TENM2: variants seen among roughly 807,000 people sequenced by gnomAD.
TENM2 encodes teneurin-2.
A neutral mutation model predicts 245.2 loss-of-function variants in TENM2; 52 were observed. The observed-to-expected ratio is 0.21, with a 90% confidence interval of 0.17 to 0.27. TENM2 has a LOEUF of 0.27. TENM2 is among the 10% of genes least tolerant of loss of function. The pLI, the probability that TENM2 is intolerant of heterozygous loss-of-function variation, is 1.00. For missense variants in TENM2, 3,046 were observed against 3,666.8 expected (o/e 0.83, Z 4.37); for synonymous variants, 1,363 against 1,438.9 (o/e 0.95, Z 1.19).
chr5:168,258,069 T>C (rs1172524681), intron 27 of TENM2, among the ~76,000 whole-genome samples: 1 of 152,072 alleles, frequency 6.6e-6, no homozygotes, highest in Non-Finnish European at 1.5e-5. Context: ...CAGGACCTAT[T>C]GTGAAAGTAA....
At chr5:167,974,766 G>A (rs575542926) in intron 4 of TENM2, among the ~76,000 whole-genome samples, 70 of 152,118 alleles carry the variant, frequency 4.6e-4, no homozygotes, top group Non-Finnish European at 6.8e-4. Context: ...ATTAACCATC[G>A]CCCCATCCAG....
intron 2 of TENM2, among the ~76,000 whole-genome samples, chr5:167,586,091 G>A (rs1047668307): frequency 1.3e-5 from 2 of 151,972 alleles, no homozygotes; most frequent in Non-Finnish European, 2.9e-5. Context: ...CTCCAGCCTG[G>A]GTGACAGAGC....
At chr5:167,397,984 A>C (rs553093859) in intron 2 of TENM2, among the ~76,000 whole-genome samples, 1 of 152,236 alleles carries the variant, frequency 6.6e-6, no homozygotes, top group South Asian at 2.1e-4. Flanking sequence ...TGAGAACTAT[A>C]TATACTCCAT....
At chr5:167,212,566 G>T in the TENM2 span, among the ~76,000 whole-genome samples, 1 of 152,322 alleles carries the variant, frequency 6.6e-6, no homozygotes, top group South Asian at 2.1e-4. Context: ...GTGCAAAGTG[G>T]TAGCTGGCCT....
At chr5:167,915,547 A>T (rs929666534) in intron 3 of TENM2, among the ~76,000 whole-genome samples, 6 of 152,190 alleles carry the variant, frequency 3.9e-5, no homozygotes, top group Non-Finnish European at 7.3e-5. Flanking sequence ...TATTTGAAGC[A>T]TGTGGGTGGG....
At chr5:167,569,078 C>CTTTTTTTTTTTTTTTTT (rs34311803) in intron 2 of TENM2, among the ~76,000 whole-genome samples, 1 of 48,952 alleles carries the variant, frequency 2.0e-5, no homozygotes, top group African/African-American at 9.3e-5. Context: ...CTTCCTACAG[C>CTTTTTTTTTTTTTTTTT]TTTTTTTTTT....
At chr5:167,937,656 G>A (rs923512802) in intron 3 of TENM2, 6 of 151,748 alleles carry the variant, frequency 4.0e-5, no homozygotes, top group Non-Finnish European at 8.8e-5. Context: ...GTTGGTTAAC[G>A]AAAAAGAAAA....
chr5:167,600,899 GTC>G (rs1367768160), intron 2 of TENM2, among the ~76,000 whole-genome samples: 2 of 152,174 alleles, frequency 1.3e-5, no homozygotes, highest in Non-Finnish European at 2.9e-5. Flanking sequence ...ACGGCATTTT[GTC>G]TCTTTTTCAT....
In TENM2 at chr5:167,458,494, CAAA is replaced by C. The variant is rs70976430; in HGVS notation, c.502+83041_502+83043del. Among the ~76,000 whole-genome samples, 646 of 82,022 alleles carry C rather than the reference CAAA, an allele frequency of 7.9e-3. 2 individuals are homozygous for C. The highest frequency in any genetic ancestry group is 0.034 in the South Asian group (70 of 2,066). 53.8% of individuals were successfully genotyped at this position (82,022 alleles called of 152,430 possible). A position where few individuals can be genotyped will look rare whatever the true frequency, so the allele number is the denominator to read the frequency against. On this transcript the variant is annotated intron_variant, in intron 2 of 28. Coordinates refer to ENST00000518659, the Ensembl canonical transcript of TENM2. Reference sequence around the variant, plus strand: ...AAAGCAAGACTCCGTCTCAAAAAAACAAAAAAAAAAAAAAAAAAAAAAGACATT... The same window carrying C: ...AAAGCAAGACTCCGTCTCAAAAAAACAAAAAAAAAAAAAAAAAAAGACATT...
In TENM2 at chr5:168,258,457, C is replaced by T. The variant is rs188850259; in HGVS notation, c.7433-1826C>T. Among the ~76,000 whole-genome samples, 1,408 of 152,058 alleles carry T rather than the reference C, an allele frequency of 9.3e-3. 23 individuals carry two copies. The highest frequency in any genetic ancestry group is 0.032 in the African/African-American group (1,343 of 41,476). On this transcript the variant is annotated intron_variant, in intron 27 of 28. Coordinates refer to ENST00000518659, the Ensembl canonical transcript of TENM2. ...CGGAGGTTGCAGTGAGCCGAAATCG[C>T]GCCACTGCACTCCAGCCTGGGTGAC...
At chr5:167,732,060 T>C (rs1760478991) in intron 2 of TENM2, among the ~76,000 whole-genome samples, 2 of 152,208 alleles carry the variant, frequency 1.3e-5, no homozygotes, top group African/African-American at 4.8e-5. Flanking sequence ...ATACTGATCT[T>C]GTGACAACTA....
chr5:167,560,589 C>T (rs1044071226), intron 2 of TENM2, among the ~76,000 whole-genome samples: 15 of 152,136 alleles, frequency 9.9e-5, no homozygotes, highest in Admixed American at 7.2e-4. Context: ...TATTTGTCTC[C>T]TCTAAGCCTC....
At chr5:167,705,791 A>G in intron 2 of TENM2, among the ~76,000 whole-genome samples, 1 of 151,728 alleles carries the variant, frequency 6.6e-6, no homozygotes, top group Admixed American at 6.6e-5. Context: ...CAGCCCCTGC[A>G]GTTTCCCATT....
At chr5:167,063,711 G>A in the TENM2 span, among the ~76,000 whole-genome samples, 1 of 152,190 alleles carries the variant, frequency 6.6e-6, no homozygotes, top group East Asian at 1.9e-4. Context: ...TTTAAATTCA[G>A]AAGCCAAATG....
chr5:167,195,380 G>A, the TENM2 span, among the ~76,000 whole-genome samples: 1 of 152,084 alleles, frequency 6.6e-6, no homozygotes, highest in African/African-American at 2.4e-5. Context: ...AGCTTTTATT[G>A]AGCACATACT....
At chr5:168,256,168 AAATAAT>A (rs1350768932) in intron 27 of TENM2, among the ~76,000 whole-genome samples, 1 of 151,566 alleles carries the variant, frequency 6.6e-6, no homozygotes, top group Non-Finnish European at 1.5e-5. Context: ...ATCAGTAAAT[AAATAAT>A]AATACAAGTG....
chr5:167,809,515 C>G (rs1310321692), intron 2 of TENM2, among the ~76,000 whole-genome samples: 1 of 152,162 alleles, frequency 6.6e-6, no homozygotes, highest in Non-Finnish European at 1.5e-5. Context: ...CCTCCCCATT[C>G]AACTGAAGAT....
the TENM2 span, among the ~76,000 whole-genome samples, chr5:167,121,503 G>T: frequency 6.6e-6 from 1 of 152,226 alleles, no homozygotes; most frequent in Non-Finnish European, 1.5e-5. Flanking sequence ...AAGAAGGCCT[G>T]CAGGGCAAGG....
intron 2 of TENM2, among the ~76,000 whole-genome samples, chr5:167,647,628 A>C (rs1474446916): frequency 6.6e-6 from 1 of 152,094 alleles, no homozygotes; most frequent in African/African-American, 2.4e-5. Flanking sequence ...GTCTCAAAAA[A>C]AAAGAAAAGG....
Sources: gnomAD v4.1 joint callset for allele counts (sites outside exome capture counted in the v4.1 genomes callset) on GRCh38, gnomAD v4.1.1 for gene constraint, MANE v1.5 for transcripts, NCBI Gene and HGNC (gene_info 2026-07-23, HGNC 2026-07-21) for gene names.